The following AZIN2 variants were observed in gnomAD, a reference collection of about 807,000 sequenced individuals.
The protein encoded by AZIN2 is antizyme inhibitor 2.
A neutral mutation model predicts 47.8 loss-of-function variants in AZIN2; 28 were observed. The ratio of observed to expected loss-of-function variants is 0.59; its 90% CI spans 0.43 to 0.80. AZIN2 has a LOEUF of 0.80. AZIN2 is among the 30% of genes least tolerant of loss of function. AZIN2 has a pLI of 0.00. For missense variants in AZIN2, 535 were observed against 582.5 expected (o/e 0.92, Z 0.84); for synonymous variants, 221 against 239.4 (o/e 0.92, Z 0.71).
chr1:33,105,645 G>C (rs78468352), intron 10 of AZIN2, among the ~76,000 whole-genome samples: 2,898 of 152,216 alleles, frequency 0.019, 77 homozygotes, highest in East Asian at 0.08. Flanking sequence ...GAAACTGCCC[G>C]CCATGATCCA....
At chr1:33,089,050 G>A (rs530406677) in intron 5 of AZIN2, among the ~76,000 whole-genome samples, 130 of 152,210 alleles carry the variant, frequency 8.5e-4, no homozygotes, top group Middle Eastern at 3.4e-3. Flanking sequence ...AAAAATACCC[G>A]TCAGTGCAGC....
chr1:33,151,144 TCC>T, the AZIN2 span, among the ~76,000 whole-genome samples: 2 of 152,064 alleles, frequency 1.3e-5, no homozygotes, highest in African/African-American at 2.4e-5. Flanking sequence ...AAGGGGGCTC[TCC>T]GTGGGTCTGA....
In AZIN2 at chr1:33,105,266, G is replaced by A. The variant is rs148273869; in HGVS notation, c.1029+7087G>A. On this transcript the variant is annotated intron_variant, in intron 10 of 11. Coordinates refer to ENST00000294517, the MANE Select transcript of AZIN2 (RefSeq NM_052998.4). ...AGTGCACTTTGTTTTTCACTTTAAA[G>A]TTTTATATATTGTGAGCATATGGTT... Among the ~76,000 whole-genome samples the A allele has an allele frequency of 2.9e-3, 437 of 152,178 alleles. 4 individuals are homozygous for A. Among genetic ancestry groups the A allele is most frequent in the African/African-American group, 0.01 (421 of 41,500 alleles).
the AZIN2 span, among the ~76,000 whole-genome samples, chr1:33,155,078 G>A: frequency 0.18 from 25,488 of 138,650 alleles, 2,830 homozygotes; most frequent in South Asian, 0.3. Context: ...GGGCGACAGA[G>A]CGAGACTCCA....
In AZIN2 at chr1:33,096,804, C is replaced by T; in HGVS notation, c.851C>T (p.Ala284Val). The T allele has an allele frequency of 6.2e-7, 1 of 1,614,196 alleles. No homozygotes were observed. The highest frequency in any genetic ancestry group is 8.5e-7 in the Non-Finnish European group (1 of 1,180,036). ...CTGGGGCGCTACTACGTGACCTCGGCCTTCACTGTGGCAGTCAGCATCATT... is the reference window on the plus strand; with the variant it reads ...CTGGGGCGCTACTACGTGACCTCGGTCTTCACTGTGGCAGTCAGCATCATT... ...AELGRYYVTS[A>V]FTVAVSIIAK... Residue 284 changes from alanine to valine, a missense_variant, in exon 9 of 12, where the codon GCC (alanine) becomes GTC (valine). Around this residue, in one of 3 missense-constraint regions of AZIN2, gnomAD observed 409 missense variants for 429.0 expected, o/e 0.95. Coordinates refer to ENST00000294517, the MANE Select transcript of AZIN2 (RefSeq NM_052998.4).
At chr1:33,102,101 T>C (rs1433446835) in intron 10 of AZIN2, among the ~76,000 whole-genome samples, 1 of 152,190 alleles carries the variant, frequency 6.6e-6, no homozygotes, top group Admixed American at 6.5e-5. Context: ...TCTGAAGTGT[T>C]GTACTGACAA....
At position 33,120,440 on chromosome 1, in the gene AZIN2, T is replaced by C; in HGVS notation, c.*258T>C. 6.5e-6 allele frequency: 3 copies of C among 460,852 alleles called. No homozygotes were observed. The highest frequency in any genetic ancestry group is 1.1e-5 in the Non-Finnish European group (3 of 263,452). 28.5% of individuals were successfully genotyped at this position (460,852 alleles called of 1,614,324 possible). A position where few individuals can be genotyped will look rare whatever the true frequency, so the allele number is the denominator to read the frequency against. ...AGTGCAAGGGGCCTGGTCAGCCAGG[T>C]GTGGGGGTGTTCTTGGGGTCTCCTT... On this transcript the variant is annotated 3_prime_UTR_variant, in exon 12 of 12. Transcript: ENST00000294517.
chr1:33,140,096 G>T, the AZIN2 span, among the ~76,000 whole-genome samples: 4 of 152,108 alleles, frequency 2.6e-5, no homozygotes, highest in South Asian at 2.1e-4. This position sits in a 1 kb window ranked among gnomAD's most constrained non-coding sequence, Gnocchi z 4.0. Context: ...GCAGAGGGGG[G>T]TCCCTAAGAG....
chr1:33,152,573 G>GAA, the AZIN2 span, among the ~76,000 whole-genome samples: 8 of 102,836 alleles, frequency 7.8e-5, no homozygotes, highest in South Asian at 2.9e-4. Context: ...GTCTCAAAAA[G>GAA]AAAAAAAAAA....
intron 10 of AZIN2, among the ~76,000 whole-genome samples, chr1:33,099,533 A>G (rs1478019811): frequency 2.0e-5 from 3 of 152,160 alleles, no homozygotes; most frequent in Non-Finnish European, 2.9e-5. Flanking sequence ...CTGCCTCTCC[A>G]GTACTCGTCT....
At chr1:33,140,476 A>G in the AZIN2 span, among the ~76,000 whole-genome samples, 1 of 152,288 alleles carries the variant, frequency 6.6e-6, no homozygotes. The surrounding 1 kb of genome is among the most constrained non-coding windows in gnomAD (Gnocchi z 4.0). Flanking sequence ...GGTATGTGGT[A>G]AGCAGAGGAA....
the AZIN2 span, among the ~76,000 whole-genome samples, chr1:33,148,540 C>T: frequency 2.6e-5 from 4 of 152,166 alleles, no homozygotes; most frequent in East Asian, 1.9e-4. Flanking sequence ...TTACCTATGA[C>T]GAGAGGACCT....
chr1:33,143,017 A>G, the AZIN2 span: 3 of 152,032 alleles, frequency 2.0e-5, no homozygotes, highest in Non-Finnish European at 1.5e-5. Flanking sequence ...CCATTCTATC[A>G]TTTTTATCTG....
At chr1:33,100,875 T>C (rs751260916) in intron 10 of AZIN2, among the ~76,000 whole-genome samples, 3 of 152,124 alleles carry the variant, frequency 2.0e-5, no homozygotes, top group Admixed American at 6.5e-5. Context: ...CTCTCTTTTT[T>C]TTTTGAGACA....
downstream of AZIN2, among the ~76,000 whole-genome samples, chr1:33,125,405 T>TCC (rs547787377): frequency 3.6e-4 from 55 of 152,334 alleles, no homozygotes; most frequent in Admixed American, 9.1e-4. Context: ...TGCCCACCTC[T>TCC]CCCACCTCAT....
chr1:33,086,418 T>C (rs1178100261), intron 5 of AZIN2, among the ~76,000 whole-genome samples: 1 of 152,140 alleles, frequency 6.6e-6, no homozygotes. Flanking sequence ...CTCAGCCAAC[T>C]GCAGGGGCGA....
At chr1:33,150,145 A>G in the AZIN2 span, among the ~76,000 whole-genome samples, 1 of 152,376 alleles carries the variant, frequency 6.6e-6, no homozygotes, top group Non-Finnish European at 1.5e-5. Flanking sequence ...CTTAGCCTGA[A>G]TGACCATTTC....
At chr1:33,154,684 G>T in the AZIN2 span, among the ~76,000 whole-genome samples, 10 of 151,654 alleles carry the variant, frequency 6.6e-5, no homozygotes, top group Admixed American at 1.3e-4. Context: ...TGTAATCCCA[G>T]CTACTTGGGA....
intron 10 of AZIN2, among the ~76,000 whole-genome samples, chr1:33,112,333 A>C (rs1387368136): frequency 6.6e-6 from 1 of 152,224 alleles, no homozygotes; most frequent in Non-Finnish European, 1.5e-5. Context: ...TATCTTTATA[A>C]TATAAAACAT....
Sources: gnomAD v4.1 joint callset for allele counts (sites outside exome capture counted in the v4.1 genomes callset) on GRCh38, gnomAD v4.1.1 for gene constraint, gnomAD v4.1.1 regional missense constraint, Gnocchi (gnomAD v3.1) non-coding constraint, MANE v1.5 for transcripts, NCBI Gene and HGNC (gene_info 2026-07-23, HGNC 2026-07-21) for gene names.